SACS: variants seen among roughly 807,000 people sequenced by gnomAD.
SACS encodes the protein sacsin molecular chaperone, also known as sacsin.
A neutral mutation model predicts 348.0 loss-of-function variants in SACS; 197 were observed. The ratio of observed to expected loss-of-function variants is 0.57; its 90% CI spans 0.50 to 0.64. The LOEUF (loss-of-function observed/expected upper bound fraction) is 0.64. Among genes scored for constraint, SACS ranks in the 30% least tolerant of loss-of-function variants. SACS has a pLI of 0.00. For missense variants in SACS, 4,999 were observed against 5,360.8 expected (o/e 0.93, Z 2.11); for synonymous variants, 1,985 against 1,910.6 (o/e 1.04, Z -1.02).
chr13:23,421,711 C>G (rs562156900), intron 1 of SACS, among the ~76,000 whole-genome samples: 119 of 151,476 alleles, frequency 7.9e-4, no homozygotes, highest in African/African-American at 2.8e-3. Context: ...GGGAACTGGG[C>G]ATCCACCTGC....
intron 5 of SACS, among the ~76,000 whole-genome samples, chr13:23,365,969 TTCCAA>T (rs1298759911): frequency 6.6e-6 from 1 of 152,064 alleles, no homozygotes; most frequent in Non-Finnish European, 1.5e-5. Context: ...TCAACAAAAT[TTCCAA>T]TCCTAACAAC....
chr13:23,400,265 T>G (rs1212928818), intron 2 of SACS, among the ~76,000 whole-genome samples: 1 of 152,212 alleles, frequency 6.6e-6, no homozygotes, highest in African/African-American at 2.4e-5. Flanking sequence ...AGAGTGAGAC[T>G]GAATTGTAAG....
chr13:23,392,588 T>C (rs1463487520), intron 2 of SACS, among the ~76,000 whole-genome samples: 1 of 152,220 alleles, frequency 6.6e-6, no homozygotes, highest in Non-Finnish European at 1.5e-5. Flanking sequence ...GTGTTCTACA[T>C]GCAAAATCCC....
chr13:23,427,344 A>G (rs1432196804), intron 1 of SACS: 1 of 152,258 alleles, frequency 6.6e-6, no homozygotes, highest in Non-Finnish European at 1.5e-5. Context: ...AGCAGCTGTT[A>G]GGGACAGGGG....
At chr13:23,425,270 A>G (rs1874122744) in intron 1 of SACS, among the ~76,000 whole-genome samples, 1 of 151,164 alleles carries the variant, frequency 6.6e-6, no homozygotes, top group Non-Finnish European at 1.5e-5. Flanking sequence ...CCCGATGTCC[A>G]TCTGGGGCCT....
intron 2 of SACS, among the ~76,000 whole-genome samples, chr13:23,379,098 C>T (rs1871933615): frequency 1.3e-5 from 2 of 152,170 alleles, no homozygotes; most frequent in Admixed American, 1.3e-4. Flanking sequence ...CCCTCCTCTA[C>T]CAGGCTCCCT....
Position 23,353,837 on chromosome 13 carries a change from A to G in SACS, c.2133T>C (p.Asp711=), listed in dbSNP as rs537977109. 1 of 1,611,388 alleles carries G rather than the reference A, an allele frequency of 6.2e-7. No individual in the cohort carries two copies. The highest frequency in any genetic ancestry group is 1.7e-5 in the Admixed American group (1 of 60,026). Residue 711 remains aspartate, a synonymous_variant, in exon 9 of 10, where the codon GAT becomes GAC. Transcript: ENST00000382292. ...FPSLEGRFIL[D]NLKPHLVAAL... Reference sequence around the variant, plus strand: ...CAGCCACAAGGTGAGGTTTCAAGTTATCCAAAATAAATCTTCCTTCAAGAC... The same window carrying G: ...CAGCCACAAGGTGAGGTTTCAAGTTGTCCAAAATAAATCTTCCTTCAAGAC...
Position 23,330,948 on chromosome 13 carries a change from C to T in SACS, c.12928G>A (p.Val4310Met). ...VNSLPEILKE[V>M]TSVVEQAWKL... The stretch of plus-strand genomic sequence containing the variant: ...CATGCTTGCTCCACCACAGATGTCA[C>T]TTCTTTTAAGATTTCTGGTAAAGAA... Residue 4310 changes from valine (V) to methionine (M), a missense_variant, in exon 10 of 10, where the codon GTG becomes ATG. Around this residue, in one of 6 missense-constraint regions of SACS, gnomAD observed 831 missense variants for 941.8 expected, o/e 0.88. Coordinates refer to ENST00000382292, the MANE Select transcript of SACS (RefSeq NM_014363.6). 6.2e-7 allele frequency: 1 copy of T among 1,614,086 alleles called. No homozygotes were observed.
chr13:23,362,813 T>C (rs987158105), intron 6 of SACS, among the ~76,000 whole-genome samples: 5 of 152,140 alleles, frequency 3.3e-5, no homozygotes, highest in African/African-American at 1.2e-4. Context: ...TTCAAACTCC[T>C]GACCTCAGGT....
intron 1 of SACS, among the ~76,000 whole-genome samples, chr13:23,412,885 A>C (rs543536061): frequency 6.6e-6 from 1 of 152,376 alleles, no homozygotes; most frequent in Non-Finnish European, 1.5e-5. Flanking sequence ...AAATAGAAGA[A>C]AAAAATGACA....
intron 1 of SACS, among the ~76,000 whole-genome samples, chr13:23,414,033 A>G (rs563581281): frequency 6.6e-6 from 1 of 152,222 alleles, no homozygotes; most frequent in Non-Finnish European, 1.5e-5. Context: ...GGCCGTGCAC[A>G]GTGGCTCACG....
In SACS at chr13:23,329,996, A is replaced by C. The variant is rs754556667; in HGVS notation, c.*140T>G. 2.5e-6 allele frequency: 2 copies of C among 794,332 alleles called. No individual in the cohort carries two copies. The highest frequency in any genetic ancestry group is 4.7e-5 in the Admixed American group (2 of 42,972). 49.2% of individuals were successfully genotyped at this position (794,332 alleles called of 1,614,324 possible). A position where few individuals can be genotyped will look rare whatever the true frequency, so the allele number is the denominator to read the frequency against. Reference sequence around the variant, plus strand: ...GTTTTCCGTTGGTATTCATGTTCATAACAACTCCAGAATTCTCCAAGAACA... The same window carrying C: ...GTTTTCCGTTGGTATTCATGTTCATCACAACTCCAGAATTCTCCAAGAACA... On this transcript the variant is annotated 3_prime_UTR_variant, in exon 10 of 10. Transcript: ENST00000382292.
chr13:23,376,696 C>T (rs1871820902), intron 2 of SACS, among the ~76,000 whole-genome samples: 2 of 152,116 alleles, frequency 1.3e-5, no homozygotes, highest in African/African-American at 4.8e-5. Context: ...TATGCTCCAT[C>T]AATTGGAGGA....
intron 1 of SACS, among the ~76,000 whole-genome samples, chr13:23,417,912 T>C (rs1873748834): frequency 6.6e-6 from 1 of 151,582 alleles, no homozygotes; most frequent in Non-Finnish European, 1.5e-5. Context: ...CTACAAAAAA[T>C]ACAAAAATTA....
chr13:23,371,148 C>A lies in SACS; in HGVS notation c.189G>T (p.Lys63Asn). ...AATTTTTGGAAGTCAGATCTCCAATCTTGATCCAGTCAGATAACTGAAAAA... is the reference window on the plus strand; with the variant it reads ...AATTTTTGGAAGTCAGATCTCCAATATTGATCCAGTCAGATAACTGAAAAA... ...RGGRELSDWI[K>N]IGDLTSKNCH... Residue 63 changes from lysine to asparagine, a missense_variant, in exon 4 of 10, where the codon AAG becomes AAT. By Grantham distance (94) the Lys-to-Asn change is moderately conservative (BLOSUM62 0). Coordinates refer to ENST00000382292, the MANE Select transcript of SACS (RefSeq NM_014363.6). The A allele has an allele frequency of 6.2e-7, 1 of 1,610,696 alleles. No individual in the cohort carries two copies. The highest frequency in any genetic ancestry group is 8.5e-7 in the Non-Finnish European group (1 of 1,177,274).
intron 9 of SACS, among the ~76,000 whole-genome samples, chr13:23,349,910 G>A (rs773536825): frequency 2.0e-5 from 3 of 152,302 alleles, no homozygotes; most frequent in Non-Finnish European, 2.9e-5. Context: ...GACTAGGGTG[G>A]TGACTGAAGA....
chr13:23,341,386 A>G lies in SACS; in HGVS notation c.2490T>C (p.Asp830=), dbSNP rs1486997377. Residue 830 remains aspartate, a synonymous_variant, in exon 10 of 10, where the codon GAT becomes GAC. Transcript: ENST00000382292. ...ATTCTGGAAGCTGTGCTTCAGATTC[A>G]TCGTCTAAAATGACTAACGATGGAA... ...LRIPSLVILD[D]ESEAQLPEFL... 2 of 1,609,538 alleles carry G rather than the reference A, an allele frequency of 1.2e-6. No homozygotes were observed. Among genetic ancestry groups the G allele is most frequent in the Admixed American group, 1.7e-5 (1 of 59,606 alleles).
intron 2 of SACS, among the ~76,000 whole-genome samples, chr13:23,401,296 G>T (rs373337381): frequency 3.9e-5 from 6 of 152,184 alleles, no homozygotes; most frequent in African/African-American, 1.4e-4. Context: ...ATGCATATCT[G>T]ATTTGCCTCC....
Position 23,331,513 on chromosome 13 carries a change from A to G in SACS, c.12363T>C (p.Ile4121=). 6.2e-7 allele frequency: 1 copy of G among 1,613,944 alleles called. No homozygotes were observed. Among genetic ancestry groups the G allele is most frequent in the Non-Finnish European group, 8.5e-7 (1 of 1,179,854 alleles). ...DNLISDTSYL[I]AMLGCNDIYR... is the part of the protein sequence containing the mutation. Reference sequence around the variant, plus strand: ...AAATATCATTGCATCCTAGCATAGCAATTAAATATGAAGTGTCAGAAATCA... The same window carrying G: ...AAATATCATTGCATCCTAGCATAGCGATTAAATATGAAGTGTCAGAAATCA... Residue 4121 remains isoleucine, a synonymous_variant, in exon 10 of 10, where the codon ATT becomes ATC. Transcript: ENST00000382292.
Sources: gnomAD v4.1 joint callset for allele counts (sites outside exome capture counted in the v4.1 genomes callset) on GRCh38, gnomAD v4.1.1 for gene constraint, gnomAD v4.1.1 regional missense constraint, MANE v1.5 for transcripts, NCBI Gene and HGNC (gene_info 2026-07-23, HGNC 2026-07-21) for gene names.